SEMA4F: variants seen among roughly 807,000 people sequenced by gnomAD.
SEMA4F encodes ssemaphorin 4F.
In SEMA4F, 51 loss-of-function variants were observed where a neutral mutation model predicts 78.4. The observed-to-expected ratio is 0.65, with a 90% CI of 0.52 to 0.82. The LOEUF (loss-of-function observed/expected upper bound fraction) is 0.82. Ranked by LOEUF, SEMA4F falls within the 40% of genes least tolerant of loss-of-function variation. The pLI is 0.00. For synonymous variants in SEMA4F, 418 were observed against 408.7 expected (o/e 1.02, Z -0.27); for missense variants, 938 against 1,014.4 (o/e 0.92, Z 1.02).
At chr2:74,677,767 C>T (rs995953903) in intron 12 of SEMA4F, among the ~76,000 whole-genome samples, 3 of 152,108 alleles carry the variant, frequency 2.0e-5, no homozygotes, top group African/African-American at 4.8e-5. Context: ...ATTACAAAAC[C>T]CCATGGCTAC....
At chr2:74,668,295 T>TG (rs1257601678) in intron 5 of SEMA4F, among the ~76,000 whole-genome samples, 1 of 152,206 alleles carries the variant, frequency 6.6e-6, no homozygotes, top group Non-Finnish European at 1.5e-5. Flanking sequence ...CCAGATGCAC[T>TG]GCATGCTGCC....
chr2:74,705,754 G>A, the SEMA4F span, among the ~76,000 whole-genome samples: 2 of 151,914 alleles, frequency 1.3e-5, no homozygotes, highest in Non-Finnish European at 2.9e-5. Flanking sequence ...TTGTAGAGAT[G>A]GGATCTTGCT....
At chr2:74,690,130 G>A in the SEMA4F span, among the ~76,000 whole-genome samples, 3 of 152,096 alleles carry the variant, frequency 2.0e-5, no homozygotes, top group South Asian at 2.1e-4. Context: ...ACACCCCACG[G>A]TTCCCCATGC....
At chr2:74,662,102 A>AC (rs146302289) in intron 4 of SEMA4F, among the ~76,000 whole-genome samples, 7,903 of 152,144 alleles carry the variant, frequency 0.052, 676 homozygotes, top group African/African-American at 0.18. Context: ...GAAGGTACTT[A>AC]CTACCAAACT....
intron 5 of SEMA4F, among the ~76,000 whole-genome samples, 179 bp downstream of exon 5, chr2:74,663,004 A>G (rs571489167): frequency 6.6e-6 from 1 of 152,246 alleles, no homozygotes; most frequent in Admixed American, 6.5e-5. Flanking sequence ...CCCACCTAGT[A>G]TGATATCCCC....
chr2:74,679,278 T>C lies in SEMA4F; in HGVS notation c.1646T>C (p.Leu549Ser). ...CVAHAGEHRG[L>S]VQDIESADVS... Reference sequence around the variant, plus strand: ...ACCAAGCATTCTCTTCTTTATAGGTTGGTCCAAGACATAGAGTCAGCAGAT... The same window carrying C: ...ACCAAGCATTCTCTTCTTTATAGGTCGGTCCAAGACATAGAGTCAGCAGAT... Residue 549 changes from leucine (L) to serine (S), a missense_variant and splice_region_variant, in exon 13 of 14, where the codon TTG (leucine) becomes TCG (serine). Transcript: ENST00000357877. 1.2e-6 allele frequency: 2 copies of C among 1,612,038 alleles called. No homozygotes were observed. Among genetic ancestry groups the C allele is most frequent in the Non-Finnish European group, 1.7e-6 (2 of 1,178,036 alleles).
chr2:74,672,087 C>T (rs1239945001), intron 5 of SEMA4F, among the ~76,000 whole-genome samples: 1 of 152,202 alleles, frequency 6.6e-6, no homozygotes, highest in Non-Finnish European at 1.5e-5. Flanking sequence ...GAAATCTCTG[C>T]AGTTTTATTC....
the SEMA4F span, among the ~76,000 whole-genome samples, chr2:74,701,664 T>C: frequency 6.6e-6 from 1 of 152,222 alleles, no homozygotes; most frequent in African/African-American, 2.4e-5. Flanking sequence ...AGATGCATAT[T>C]GACTGAGTAG....
At chr2:74,673,610 C>T (rs368298404) in intron 6 of SEMA4F, 34 bp downstream of exon 6, 120 of 1,613,202 alleles carry the variant, frequency 7.4e-5, no homozygotes, top group Non-Finnish European at 8.5e-5. Flanking sequence ...CTGGGGAGAC[C>T]GATGGGGTGG....
In SEMA4F at chr2:74,658,081, T is replaced by A; in HGVS notation, c.456+130T>A. The A allele has an allele frequency of 1.3e-6, 1 of 787,888 alleles. No individual in the cohort carries two copies. Among genetic ancestry groups the A allele is most frequent in the Non-Finnish European group, 2.2e-6 (1 of 461,222 alleles). The allele number at this position is 787,888 out of a possible 1,614,324, so 48.8% of individuals were successfully genotyped here. ...GGGGGCATGGTCAAGGCAACCATTG[T>A]GCATGATAAGCATTGGGTGTAGGGG... On this transcript the variant is annotated intron_variant, in intron 4 of 13. Transcript: ENST00000357877. This position sits in a 1 kb window ranked among gnomAD's most constrained non-coding sequence, Gnocchi z 4.3.
chr2:74,693,512 A>C, the SEMA4F span, among the ~76,000 whole-genome samples: 1 of 152,154 alleles, frequency 6.6e-6, no homozygotes, highest in Non-Finnish European at 1.5e-5. Flanking sequence ...TTTTTCTTTT[A>C]AGAGGATAGG....
At chr2:74,677,791 G>T (rs1019416984) in intron 12 of SEMA4F, among the ~76,000 whole-genome samples, 4 of 152,128 alleles carry the variant, frequency 2.6e-5, no homozygotes, top group African/African-American at 7.2e-5. Context: ...TTCTGTAGAG[G>T]TAAAAGTACT....
Position 74,679,725 on chromosome 2 carries a change from G to A in SEMA4F, c.1829G>A (p.Arg610Gln), listed in dbSNP as rs765697118. The A allele has an allele frequency of 1.5e-5, 25 of 1,614,048 alleles. No individual in the cohort carries two copies. Among genetic ancestry groups the A allele is most frequent in the Admixed American group, 5.0e-5 (3 of 60,010 alleles). Reference protein sequence around the residue: ...QPSGVTALTPRRDGLEVVVTP... With the variant: ...QPSGVTALTPQRDGLEVVVTP... ...AGTGGAGTGACTGCACTCACCCCCC[G>A]GCGGGATGGACTGGAGGTGGTGGTG... The change falls in exon 14 of 14, where the codon CGG becomes CAG. Residue 610 changes from arginine to glutamine, a missense_variant. Coordinates refer to ENST00000357877, the MANE Select transcript of SEMA4F (RefSeq NM_004263.5).
chr2:74,696,973 G>A, the SEMA4F span, among the ~76,000 whole-genome samples: 1 of 152,278 alleles, frequency 6.6e-6, no homozygotes, highest in Non-Finnish European at 1.5e-5. Flanking sequence ...TTGTACATAT[G>A]TCATCTCATA....
chr2:74,690,813 T>A, the SEMA4F span, among the ~76,000 whole-genome samples: 1 of 152,182 alleles, frequency 6.6e-6, no homozygotes, highest in Non-Finnish European at 1.5e-5. Context: ...CTGGTGGAAG[T>A]CCCTTCTGAG....
At chr2:74,669,204 A>T (rs1171250376) in intron 5 of SEMA4F, among the ~76,000 whole-genome samples, 1 of 152,118 alleles carries the variant, frequency 6.6e-6, no homozygotes, top group Non-Finnish European at 1.5e-5. Context: ...GCTACCTGGG[A>T]GGCTGAGGTG....
chr2:74,678,166 T>C (rs1685395647), intron 12 of SEMA4F, among the ~76,000 whole-genome samples: 1 of 152,240 alleles, frequency 6.6e-6, no homozygotes, highest in Non-Finnish European at 1.5e-5. Flanking sequence ...ATTGTTTTAA[T>C]TTCCATTAAA....
rs1180218953 is a variant in SEMA4F at position 74,675,384 on chromosome 2, G to A, written c.1372G>A (p.Glu458Lys). Reference sequence around the variant, plus strand: ...GTATGATGTGCTCTACCTGGGGACAGGTATATTTAATGGTCAAGCAGGCTG... The same window carrying A: ...GTATGATGTGCTCTACCTGGGGACAAGTATATTTAATGGTCAAGCAGGCTG... Reference protein sequence around the residue: ...KEYDVLYLGTEDGHLHRAVRI... With the variant: ...KEYDVLYLGTKDGHLHRAVRI... The change falls in exon 10 of 14, where the codon GAG becomes AAG. Residue 458 changes from glutamate (E) to lysine (K), a missense_variant and splice_region_variant. Physicochemically the swap from Glu to Lys is moderately conservative, Grantham distance 56. Transcript: ENST00000357877. 1 of 1,612,710 alleles carries A rather than the reference G, an allele frequency of 6.2e-7. No individual in the cohort carries two copies. Among genetic ancestry groups the A allele is most frequent in the East Asian group, 2.2e-5 (1 of 44,826 alleles).
Position 74,657,447 on chromosome 2 carries a change from G to A in SEMA4F, c.298-118G>A, listed in dbSNP as rs1440978198. 3.5e-6 allele frequency: 3 copies of A among 845,508 alleles called. No homozygotes were observed. The African/African-American group carries it at 5.0e-5, about 14-fold the overall frequency. The allele number at this position is 845,508 out of a possible 1,614,324, so 52.4% of individuals were successfully genotyped here. On this transcript the variant is annotated intron_variant, in intron 2 of 13. Coordinates refer to ENST00000357877, the MANE Select transcript of SEMA4F (RefSeq NM_004263.5). ...CCTCCATTTGAAAAACAATGCTCTA[G>A]GGGGACTTTTGAAGTTCCCAAATTG...
Sources: allele counts gnomAD v4.1 joint callset (sites outside exome capture counted in the v4.1 genomes callset), GRCh38; gene constraint gnomAD v4.1.1; non-coding constraint Gnocchi (gnomAD v3.1); transcripts MANE v1.5; gene names NCBI Gene and HGNC (gene_info 2026-07-23, HGNC 2026-07-21).